Variants in WDR59 observed in about 807,000 individuals in gnomAD.
The protein encoded by WDR59 is WD repeat domain 59.
WDR59 carries 100 observed loss-of-function variants against 131.2 expected under a neutral mutation model. The ratio of observed to expected loss-of-function variants is 0.76; its 90% CI spans 0.65 to 0.90. The LOEUF (loss-of-function observed/expected upper bound fraction) is 0.90. Ranked by LOEUF, WDR59 falls within the 40% of genes least tolerant of loss-of-function variation. The pLI, the probability that WDR59 is intolerant of heterozygous loss-of-function variation, is 0.00. For missense variants in WDR59, 1,203 were observed against 1,262.2 expected, an observed-to-expected ratio of 0.95 and a Z score of 0.71; for synonymous variants, 601 against 466.2, an observed-to-expected ratio of 1.29 and a Z score of -3.72.
chr16:74,926,691 A>G (rs1272758040), intron 8 of WDR59, among the ~76,000 whole-genome samples: 1 of 152,226 alleles, frequency 6.6e-6, no homozygotes, highest in Non-Finnish European at 1.5e-5. Flanking sequence ...ATGTTTTAAA[A>G]CTGGTTTTAC....
chr16:74,931,750 T>C (rs2031407684), intron 8 of WDR59, among the ~76,000 whole-genome samples: 2 of 152,010 alleles, frequency 1.3e-5, no homozygotes, highest in South Asian at 4.2e-4. Context: ...GGCTTGCACC[T>C]GTAGTCCCAG....
chr16:74,887,443 T>G (rs148763098), intron 23 of WDR59, among the ~76,000 whole-genome samples: 1 of 152,154 alleles, frequency 6.6e-6, no homozygotes, highest in South Asian at 2.1e-4. Context: ...GGAAGTCCCA[T>G]TGTCAGTTTC....
At chr16:74,898,734 A>AT (rs1965408503) in intron 18 of WDR59, among the ~76,000 whole-genome samples, 1 of 152,264 alleles carries the variant, frequency 6.6e-6, no homozygotes, top group East Asian at 1.9e-4. Flanking sequence ...CAGAAACCCC[A>AT]TTAGCAATGC....
chr16:74,982,265 A>G (rs2034458588), intron 1 of WDR59, among the ~76,000 whole-genome samples: 1 of 152,058 alleles, frequency 6.6e-6, no homozygotes, highest in African/African-American at 2.4e-5. Flanking sequence ...AGTTAATAAA[A>G]TGGGTTCCTG....
chr16:74,965,836 C>A lies in WDR59; in HGVS notation c.55-14G>T. ...CATCGCAGTTGCCTGAGAGAGAGAA[C>A]ACAGAGTCAGTGCTGCCAGCAAACC... On this transcript the variant is annotated splice_polypyrimidine_tract_variant and intron_variant, in intron 1 of 25. Transcript: ENST00000262144. 1.2e-6 allele frequency: 2 copies of A among 1,614,080 alleles called. No individual in the cohort carries two copies. Among genetic ancestry groups the A allele is most frequent in the Non-Finnish European group, 1.7e-6 (2 of 1,179,988 alleles).
In WDR59 at chr16:74,888,291, C is replaced by A. The variant is rs762056077; in HGVS notation, c.2224G>T (p.Val742Phe). Residue 742 changes from valine to phenylalanine, a missense_variant, in exon 22 of 26, where the codon GTT (valine) becomes TTT (phenylalanine). Coordinates refer to ENST00000262144, the MANE Select transcript of WDR59 (RefSeq NM_030581.4). The stretch of plus-strand genomic sequence containing the variant: ...CTACAGAGCATCGCCAGTGTCTGAA[C>A]ATCCCGGAGCCGGCAATAGTGAGCC... ...LLAHYCRLRD[V>F]QTLAMLCSVF... The A allele has an allele frequency of 2.5e-6, 4 of 1,613,760 alleles. No individual in the cohort carries two copies. The Admixed American group carries it at 6.7e-5, about 27-fold the overall frequency.
intron 8 of WDR59, among the ~76,000 whole-genome samples, chr16:74,931,308 C>A (rs2031364537): frequency 6.6e-6 from 1 of 151,966 alleles, no homozygotes; most frequent in Non-Finnish European, 1.5e-5. Context: ...ACAACTGATG[C>A]TTTTAAAAAA....
chr16:74,984,202 C>G (rs4887798), intron 1 of WDR59, among the ~76,000 whole-genome samples: 147,241 of 152,226 alleles, frequency 0.97, 71,365 homozygotes, highest in East Asian at 1. Flanking sequence ...GCTTGAATCC[C>G]GGAGGCGGAG....
Position 74,885,780 on chromosome 16 carries a change from G to T in WDR59, c.2562C>A (p.Ala854=). 1 of 1,614,006 alleles carries T rather than the reference G, an allele frequency of 6.2e-7. No individual in the cohort carries two copies. Among genetic ancestry groups the T allele is most frequent in the Non-Finnish European group, 8.5e-7 (1 of 1,179,986 alleles). The change falls in exon 25 of 26, where the codon GCC becomes GCA. Residue 854 remains alanine, a synonymous_variant. Transcript: ENST00000262144. ...TAAAGTCATCAAATTGCTGGGTATT[G>T]GCGGGGTCCAGGAGCCTGGATAAAG... ...HDKNKRLLDP[A]NTQQFDDFKK...
At position 74,873,976 on chromosome 16, in the gene WDR59, G is replaced by A. The variant is rs1478793338; in HGVS notation, c.*233C>T. Reference sequence around the variant, plus strand: ...TCAGCCGACATAGACAACACACAAAGCGCAGCTCTGCACTTCTGTCCTTAT... The same window carrying A: ...TCAGCCGACATAGACAACACACAAAACGCAGCTCTGCACTTCTGTCCTTAT... On this transcript the variant is annotated 3_prime_UTR_variant, in exon 26 of 26. Coordinates refer to ENST00000262144, the MANE Select transcript of WDR59 (RefSeq NM_030581.4). 5 of 534,098 alleles carry A rather than the reference G, an allele frequency of 9.4e-6. No homozygotes were observed. Among genetic ancestry groups the A allele is most frequent in the Non-Finnish European group, 1.7e-5 (5 of 297,768 alleles). The allele number at this position is 534,098 out of a possible 1,614,324, so 33.1% of individuals were successfully genotyped here.
intron 6 of WDR59, among the ~76,000 whole-genome samples, chr16:74,945,773 G>A (rs1238561960): frequency 6.6e-6 from 1 of 151,816 alleles, no homozygotes; most frequent in African/African-American, 2.4e-5. Context: ...ACAGTACAAG[G>A]AGACGTTCTG....
intron 6 of WDR59, among the ~76,000 whole-genome samples, chr16:74,943,179 T>C (rs1470782292): frequency 6.6e-6 from 1 of 151,232 alleles, no homozygotes; most frequent in Non-Finnish European, 1.5e-5. Flanking sequence ...CCCTTTCTCA[T>C]CCCCAAATGA....
intron 25 of WDR59, 85 bp downstream of exon 25, chr16:74,885,568 C>T: frequency 7.3e-7 from 1 of 1,367,734 alleles, no homozygotes; most frequent in Non-Finnish European, 9.6e-7. Context: ...GAAGCTGAAA[C>T]TTCATTCCAA....
At chr16:74,939,957 C>A (rs2145087089) in intron 7 of WDR59, among the ~76,000 whole-genome samples, 1 of 152,288 alleles carries the variant, frequency 6.6e-6, no homozygotes, top group South Asian at 2.1e-4. Flanking sequence ...TGCACTCCAA[C>A]CTGGGAGACA....
rs200553621 is a variant in WDR59, at chr16:74,938,295, G to T, written c.535-29C>A. ...CAACAGATCAGCACCTAATATTATC[G>T]ATTTAGAAAGAACTCTTTGAGTGTC... On this transcript the variant is annotated intron_variant, in intron 7 of 25. Coordinates refer to ENST00000262144, the MANE Select transcript of WDR59 (RefSeq NM_030581.4). The T allele has an allele frequency of 2.6e-4, 370 of 1,403,276 alleles. 2 individuals carry two copies. The African/African-American group carries it at 4.7e-3, about 18-fold the overall frequency. 86.9% of individuals were successfully genotyped at this position (1,403,276 alleles called of 1,614,324 possible).
At chr16:74,928,577 A>AT (rs2031090140) in intron 8 of WDR59, among the ~76,000 whole-genome samples, 1 of 151,960 alleles carries the variant, frequency 6.6e-6, no homozygotes, top group South Asian at 2.1e-4. Flanking sequence ...CATTGAAAGA[A>AT]GTTATGCAAT....
chr16:74,887,800 C>T, intron 22 of WDR59, 45 bp from the exon 23 acceptor site: 3 of 1,557,302 alleles, frequency 1.9e-6, no homozygotes, highest in Non-Finnish European at 2.7e-6. Context: ...CATGAGAATA[C>T]CATTCCCCAT....
chr16:74,882,786 G>C (rs1183311758), intron 25 of WDR59, among the ~76,000 whole-genome samples: 1 of 118,412 alleles, frequency 8.4e-6, no homozygotes, highest in Non-Finnish European at 1.6e-5. Context: ...GTCCAGCCTC[G>C]GCGACAGAGC....
At chr16:74,933,433 CTGTTACTTT>C (rs1212380768) in intron 8 of WDR59, among the ~76,000 whole-genome samples, 2 of 151,830 alleles carry the variant, frequency 1.3e-5, no homozygotes, top group East Asian at 3.8e-4. Flanking sequence ...CACCAAAATA[CTGTTACTTT>C]TTGTGTTTTT....
Sources: allele counts gnomAD v4.1 joint callset (sites outside exome capture counted in the v4.1 genomes callset), GRCh38; gene constraint gnomAD v4.1.1; transcripts MANE v1.5; gene names NCBI Gene and HGNC (gene_info 2026-07-23, HGNC 2026-07-21).